The following KIAA0825 variants were observed in gnomAD, a reference collection of about 807,000 sequenced individuals.
KIAA0825 encodes KIAA0825.
A neutral mutation model predicts 147.6 loss-of-function variants in KIAA0825; 119 were observed. That is an observed-to-expected ratio of 0.81 (90% CI 0.69 to 0.94). The LOEUF is 0.94. KIAA0825 is among the 40% of genes least tolerant of loss of function. The pLI is 0.00. For synonymous variants in KIAA0825, 470 were observed against 518.1 expected (o/e 0.91, Z 1.26); for missense variants, 1,381 against 1,472.7 (o/e 0.94, Z 1.02).
intron 6 of KIAA0825, among the ~76,000 whole-genome samples, chr5:94,477,434 T>C (rs1762017956): frequency 6.6e-6 from 1 of 151,958 alleles, no homozygotes; most frequent in Non-Finnish European, 1.5e-5. Context: ...AGAGTCCTTT[T>C]TCACATAAAA....
At chr5:94,531,809 A>T (rs1248482322) in intron 3 of KIAA0825, among the ~76,000 whole-genome samples, 1 of 152,234 alleles carries the variant, frequency 6.6e-6, no homozygotes, top group East Asian at 1.9e-4. Context: ...ATTAATTTGC[A>T]TCTTCTTATT....
At chr5:94,601,139 G>T (rs1321831145) in intron 1 of KIAA0825, among the ~76,000 whole-genome samples, 1 of 152,064 alleles carries the variant, frequency 6.6e-6, no homozygotes, top group Non-Finnish European at 1.5e-5. Flanking sequence ...CCCCAACTGG[G>T]GTCTCCAATT....
rs1267335500 is a variant in KIAA0825, at chr5:94,386,347, TG to T, written c.3513del (p.Ile1172SerfsTer4). On this transcript the variant is annotated frameshift_variant, in exon 19 of 21. Transcript: ENST00000682413. LOFTEE classifies it high-confidence loss of function. Reference protein sequence around the residue: ...SMNSSEEKPLPIRPLKTTLRS... With the variant: ...SMNSSEEKPLXIRPLKTTLRS... Reference sequence around the variant, plus strand: ...CTCAAGGTCGTCTTTAAAGGTCGGATGGGTAATGGCTTTTCCTCTGAACTAT... The same window carrying T: ...CTCAAGGTCGTCTTTAAAGGTCGGATGGTAATGGCTTTTCCTCTGAACTAT... 1 of 1,551,604 alleles carries T rather than the reference TG, an allele frequency of 6.4e-7. No individual in the cohort carries two copies. The highest frequency in any genetic ancestry group is 1.4e-5 in the African/African-American group (1 of 73,042).
At chr5:94,343,851 C>T (rs1782699959) in intron 20 of KIAA0825, among the ~76,000 whole-genome samples, 1 of 152,140 alleles carries the variant, frequency 6.6e-6, no homozygotes, top group East Asian at 1.9e-4. Context: ...AAAAAATAGG[C>T]AGGAGGCTTA....
At chr5:94,266,762 T>C (rs541509476) in intron 20 of KIAA0825, among the ~76,000 whole-genome samples, 41 of 152,310 alleles carry the variant, frequency 2.7e-4, no homozygotes, top group African/African-American at 9.9e-4. Flanking sequence ...ACATAACTTA[T>C]GTTAATATGT....
intron 20 of KIAA0825, among the ~76,000 whole-genome samples, chr5:94,367,018 A>G (rs913580032): frequency 8.5e-5 from 13 of 152,374 alleles, no homozygotes; most frequent in African/African-American, 3.1e-4. Flanking sequence ...AATGCTGAGA[A>G]AGGTAAAAAC....
intron 20 of KIAA0825, among the ~76,000 whole-genome samples, chr5:94,201,213 T>C (rs1434533592): frequency 6.6e-6 from 1 of 150,766 alleles, no homozygotes; most frequent in African/African-American, 2.4e-5. Flanking sequence ...TCTGGGAAGA[T>C]GTAATAAATT....
intron 20 of KIAA0825, among the ~76,000 whole-genome samples, chr5:94,231,397 T>C (rs928128214): frequency 6.6e-6 from 1 of 152,156 alleles, no homozygotes; most frequent in Admixed American, 6.5e-5. Flanking sequence ...ATATCTTCCA[T>C]ATTTGGGAGA....
At chr5:94,604,280 G>A (rs1787065058) in intron 1 of KIAA0825, among the ~76,000 whole-genome samples, 1 of 152,110 alleles carries the variant, frequency 6.6e-6, no homozygotes, top group African/African-American at 2.4e-5. Context: ...ATTCACTTAT[G>A]GTGGTTCATG....
chr5:94,452,049 A>T (rs1259121408), intron 13 of KIAA0825, among the ~76,000 whole-genome samples: 2 of 152,230 alleles, frequency 1.3e-5, no homozygotes, highest in Admixed American at 1.3e-4. Flanking sequence ...TAGGACTCAA[A>T]CATAAGTAAT....
At chr5:94,581,486 G>A (rs1399533192) in intron 2 of KIAA0825, among the ~76,000 whole-genome samples, 2 of 152,074 alleles carry the variant, frequency 1.3e-5, no homozygotes, top group South Asian at 2.1e-4. Context: ...CATTAAGGTT[G>A]TGACACCAAC....
intron 1 of KIAA0825, among the ~76,000 whole-genome samples, chr5:94,603,259 G>A (rs943850798): frequency 2.0e-5 from 3 of 152,118 alleles, no homozygotes; most frequent in African/African-American, 7.2e-5. Context: ...GAAGATACTG[G>A]GGGCCAATAT....
chr5:94,254,480 CT>C (rs1776137536), intron 20 of KIAA0825, among the ~76,000 whole-genome samples: 1 of 152,130 alleles, frequency 6.6e-6, no homozygotes, highest in East Asian at 1.9e-4. Flanking sequence ...GTAAATCCAC[CT>C]CTACAACTAG....
At chr5:94,172,961 C>A (rs1252239687) in intron 20 of KIAA0825, among the ~76,000 whole-genome samples, 2 of 152,048 alleles carry the variant, frequency 1.3e-5, no homozygotes, top group Non-Finnish European at 2.9e-5. Context: ...TGAGAGATAC[C>A]TCATAAATCA....
intron 20 of KIAA0825, among the ~76,000 whole-genome samples, chr5:94,280,860 A>G (rs1777424999): frequency 1.3e-5 from 2 of 152,126 alleles, no homozygotes; most frequent in Admixed American, 1.3e-4. Context: ...CCATTTCAAA[A>G]TCAACAACAT....
chr5:94,188,451 T>C (rs1464417936), intron 20 of KIAA0825, among the ~76,000 whole-genome samples: 1 of 152,198 alleles, frequency 6.6e-6, no homozygotes, highest in African/African-American at 2.4e-5. Context: ...TTGCACTCAG[T>C]AACATTTCCC....
chr5:94,253,450 A>T (rs1776080932), intron 20 of KIAA0825, among the ~76,000 whole-genome samples: 1 of 152,144 alleles, frequency 6.6e-6, no homozygotes. Flanking sequence ...TCATAACTAG[A>T]TGTTTAATTT....
chr5:94,262,250 C>A (rs1287405098), intron 20 of KIAA0825, among the ~76,000 whole-genome samples: 1 of 151,846 alleles, frequency 6.6e-6, no homozygotes, highest in Admixed American at 6.6e-5. Context: ...ATATTTTTAA[C>A]CTATCAAATT....
intron 2 of KIAA0825, among the ~76,000 whole-genome samples, chr5:94,575,223 T>C (rs560456201): frequency 1.3e-5 from 2 of 152,312 alleles, no homozygotes; most frequent in East Asian, 1.9e-4. Context: ...ACACGACTAG[T>C]GTTTTATAAA....
Sources: gnomAD v4.1 joint callset for allele counts (sites outside exome capture counted in the v4.1 genomes callset) on GRCh38, gnomAD v4.1.1 for gene constraint, MANE v1.5 for transcripts, NCBI Gene and HGNC (gene_info 2026-07-23, HGNC 2026-07-21) for gene names.